Variants in XIRP2 observed in about 807,000 individuals in gnomAD.
The protein encoded by XIRP2 is xin actin-binding repeat-containing protein 2.
Under a neutral mutation model 277.0 loss-of-function variants are expected in XIRP2, and 236 were observed. The ratio of observed to expected loss-of-function variants is 0.85; its 90% CI spans 0.77 to 0.95. The LOEUF (loss-of-function observed/expected upper bound fraction) is 0.95. Ranked by LOEUF, XIRP2 falls within the 40% of genes least tolerant of loss-of-function variation. The probability of loss-of-function intolerance (pLI) is 0.00; values close to 1 mark genes in which losing one functional copy is unlikely to be tolerated. For missense variants in XIRP2, 4,640 were observed against 4,157.5 expected (o/e 1.12, Z -3.19); for synonymous variants, 1,490 against 1,416.5 (o/e 1.05, Z -1.17).
intron 2 of XIRP2, among the ~76,000 whole-genome samples, chr2:167,109,180 G>C (rs983741201): frequency 3.3e-5 from 5 of 152,030 alleles, no homozygotes; most frequent in Non-Finnish European, 7.4e-5. Context: ...CTCTATCTAT[G>C]TTTAAGATTA....
chr2:166,925,589 GTATATACA>G (rs1217946453), intron 2 of XIRP2, among the ~76,000 whole-genome samples: 19,921 of 105,646 alleles, frequency 0.19, 1,690 homozygotes, highest in Admixed American at 0.28. Flanking sequence ...GTGTGTATGT[GTATATACA>G]TATATATATA....
chr2:167,024,373 TAGATATGCA>T (rs1006009193), intron 2 of XIRP2, among the ~76,000 whole-genome samples: 8 of 152,138 alleles, frequency 5.3e-5, no homozygotes, highest in African/African-American at 1.9e-4. Flanking sequence ...TGGAGTTTTC[TAGATATGCA>T]ATCATGTCAT....
chr2:166,995,386 G>A (rs200882379), intron 2 of XIRP2, among the ~76,000 whole-genome samples: 1 of 152,158 alleles, frequency 6.6e-6, no homozygotes, highest in East Asian at 1.9e-4. Context: ...CACAAGTACT[G>A]CCTCTCTAAA....
rs142955945 is a variant in XIRP2 at position 166,969,877 on chromosome 2, C to T, written c.408+65987C>T. Among the ~76,000 whole-genome samples the T allele has an allele frequency of 3.2e-3, 487 of 151,874 alleles. 3 individuals are homozygous for T. The highest frequency in any genetic ancestry group is 0.011 in the African/African-American group (462 of 41,450). ...GCAACTCCCCCTGTATCCTTAAAAC[C>T]TCTTCTAAGAAACATTTGTACACAT... is the stretch of plus-strand genomic sequence containing the variant. On this transcript the variant is annotated intron_variant, in intron 2 of 10. Coordinates refer to ENST00000409195, the MANE Select transcript of XIRP2 (RefSeq NM_152381.6).
chr2:167,149,853 T>C (rs914897127), intron 3 of XIRP2, among the ~76,000 whole-genome samples: 1 of 151,938 alleles, frequency 6.6e-6, no homozygotes, highest in Non-Finnish European at 1.5e-5. Flanking sequence ...AAATAAAATA[T>C]TTGCAGTGCA....
chr2:167,194,520 C>A (rs147147522), intron 3 of XIRP2, among the ~76,000 whole-genome samples: 171 of 152,250 alleles, frequency 1.1e-3, no homozygotes, highest in African/African-American at 4.0e-3. Context: ...GTAACCCCAG[C>A]ATTATAACCA....
intron 2 of XIRP2, among the ~76,000 whole-genome samples, chr2:167,093,055 T>TA (rs1405992986): frequency 3.9e-5 from 6 of 152,114 alleles, no homozygotes; most frequent in Non-Finnish European, 8.8e-5. Context: ...TTAGTTTTCT[T>TA]ACTGTCTACT....
chr2:167,167,011 A>T (rs1465898731), intron 3 of XIRP2, among the ~76,000 whole-genome samples: 2 of 152,070 alleles, frequency 1.3e-5, no homozygotes, highest in Admixed American at 1.3e-4. Context: ...TCATAGTTTG[A>T]TGCTCTATTT....
chr2:167,018,754 C>A (rs1397777170), intron 2 of XIRP2, among the ~76,000 whole-genome samples: 1 of 151,960 alleles, frequency 6.6e-6, no homozygotes, highest in Non-Finnish European at 1.5e-5. Flanking sequence ...CATTTCCTAC[C>A]ACTTACTGAC....
chr2:167,228,431 C>T (rs1230778911), intron 5 of XIRP2, among the ~76,000 whole-genome samples: 2 of 152,176 alleles, frequency 1.3e-5, no homozygotes, highest in Non-Finnish European at 2.9e-5. Context: ...TAAAAGGAAA[C>T]TCATTCCCAA....
At chr2:167,153,167 A>C (rs1450538288) in intron 3 of XIRP2, among the ~76,000 whole-genome samples, 4 of 152,130 alleles carry the variant, frequency 2.6e-5, no homozygotes, top group Non-Finnish European at 5.9e-5. Context: ...AGAATCATTA[A>C]ACATAGTTTT....
rs1211814651 is a variant in XIRP2 at position 167,249,267 on chromosome 2, T to C, written c.7875T>C (p.Ser2625=). Residue 2625 remains serine, a synonymous_variant, in exon 9 of 11, where the codon TCT becomes TCC. Coordinates refer to ENST00000409195, the MANE Select transcript of XIRP2 (RefSeq NM_152381.6). Reference sequence around the variant, plus strand: ...ATGCTCGGATACTAGGAGTGTGTTCTGATAACCAACTCTCCACAACATCGC... The same window carrying C: ...ATGCTCGGATACTAGGAGTGTGTTCCGATAACCAACTCTCCACAACATCGC... ...QSNARILGVC[S]DNQLSTTSPE... 1.2e-6 allele frequency: 2 copies of C among 1,613,892 alleles called. No individual in the cohort carries two copies. Among genetic ancestry groups the C allele is most frequent in the Admixed American group, 3.3e-5 (2 of 59,992 alleles).
chr2:167,214,359 C>A (rs1246638645), intron 4 of XIRP2, among the ~76,000 whole-genome samples: 2 of 150,236 alleles, frequency 1.3e-5, no homozygotes, highest in Non-Finnish European at 3.0e-5. Context: ...TGCCAGTAAT[C>A]CCAGCTACTC....
At position 167,051,278 on chromosome 2, in the gene XIRP2, T is replaced by C. The variant is rs191429860; in HGVS notation, c.409-84631T>C. ...GTCTTTGTGCAGCTATTCTTCTAAA[T>C]TGCCTTACCATTTACAGTGTGTCAC... is the stretch of plus-strand genomic sequence containing the variant. On this transcript the variant is annotated intron_variant, in intron 2 of 10. Coordinates refer to ENST00000409195, the MANE Select transcript of XIRP2 (RefSeq NM_152381.6). Among the ~76,000 whole-genome samples, 236 of 152,256 alleles carry C rather than the reference T, an allele frequency of 1.6e-3. 1 individual carries two copies. Among genetic ancestry groups the C allele is most frequent in the African/African-American group, 5.6e-3 (232 of 41,574 alleles).
At chr2:167,240,323 G>A (rs912595832) in intron 6 of XIRP2, among the ~76,000 whole-genome samples, 2 of 152,070 alleles carry the variant, frequency 1.3e-5, no homozygotes, top group Non-Finnish European at 2.9e-5. Context: ...GCTGAGGCAG[G>A]AGAATCACGT....
At chr2:167,003,544 G>T (rs187684096) in intron 2 of XIRP2, among the ~76,000 whole-genome samples, 1 of 151,850 alleles carries the variant, frequency 6.6e-6, no homozygotes, top group Admixed American at 6.6e-5. Context: ...ATTTATGCAA[G>T]TGTGAAGAAG....
chr2:167,013,541 T>C (rs1036202977), intron 2 of XIRP2, among the ~76,000 whole-genome samples: 1 of 151,560 alleles, frequency 6.6e-6, no homozygotes, highest in African/African-American at 2.4e-5. Context: ...TTAGAAAGTG[T>C]ATGCTAAATG....
At chr2:167,040,685 G>A (rs1688638005) in intron 2 of XIRP2, among the ~76,000 whole-genome samples, 1 of 152,140 alleles carries the variant, frequency 6.6e-6, no homozygotes, top group South Asian at 2.1e-4. Context: ...TATCTTGCCA[G>A]TGGAACAAGG....
At chr2:167,060,244 G>A (rs1689144694) in intron 2 of XIRP2, among the ~76,000 whole-genome samples, 1 of 152,132 alleles carries the variant, frequency 6.6e-6, no homozygotes, top group African/African-American at 2.4e-5. Flanking sequence ...GTATGAAATA[G>A]GGTTACATGA....
Sources: gnomAD v4.1 joint callset for allele counts (sites outside exome capture counted in the v4.1 genomes callset) on GRCh38, gnomAD v4.1.1 for gene constraint, MANE v1.5 for transcripts, NCBI Gene and HGNC (gene_info 2026-07-23, HGNC 2026-07-21) for gene names.